HECW2: variants seen among roughly 807,000 people sequenced by gnomAD.
HECW2 encodes the protein E3 ubiquitin-protein ligase HECW2.
A neutral mutation model predicts 175.2 loss-of-function variants in HECW2; 61 were observed. That is an observed-to-expected ratio of 0.35 (90% CI 0.28 to 0.43). The LOEUF is 0.43. Ranked by LOEUF, HECW2 falls within the 20% of genes least tolerant of loss-of-function variation. The probability of loss-of-function intolerance (pLI) is 1.00; values close to 1 mark genes in which losing one functional copy is unlikely to be tolerated. For synonymous variants in HECW2, 671 were observed against 731.0 expected, an observed-to-expected ratio of 0.92 and a Z score of 1.32; for missense variants, 1,524 against 2,000.5, an observed-to-expected ratio of 0.76 and a Z score of 4.54.
At chr2:196,453,999 T>G (rs1357783565) in intron 1 of HECW2, among the ~76,000 whole-genome samples, 1 of 152,104 alleles carries the variant, frequency 6.6e-6, no homozygotes, top group Non-Finnish European at 1.5e-5. Flanking sequence ...AATACTTCTA[T>G]GGGTTTTGTT....
rs1392506255 is a variant in HECW2, at chr2:196,257,924, C to T, written c.3336-18G>A. On this transcript the variant is annotated intron_variant, in intron 17 of 28. Transcript: ENST00000644978. ...TCTTCTCCCTAATCAAGAAAAGAAACAGCACAAAATGTATATGGTAGACCT... is the reference window on the plus strand; with the variant it reads ...TCTTCTCCCTAATCAAGAAAAGAAATAGCACAAAATGTATATGGTAGACCT... 1 of 1,577,018 alleles carries T rather than the reference C, an allele frequency of 6.3e-7. No individual in the cohort carries two copies. Among genetic ancestry groups the T allele is most frequent in the South Asian group, 1.1e-5 (1 of 90,274 alleles).
intron 1 of HECW2, among the ~76,000 whole-genome samples, chr2:196,564,372 T>C (rs539316436): frequency 6.6e-6 from 1 of 152,188 alleles, no homozygotes; most frequent in East Asian, 1.9e-4. Flanking sequence ...GATGATATTA[T>C]TGAATTATGA....
intron 2 of HECW2, among the ~76,000 whole-genome samples, chr2:196,399,799 C>T (rs1287261863): frequency 6.6e-6 from 1 of 152,198 alleles, no homozygotes; most frequent in Non-Finnish European, 1.5e-5. Flanking sequence ...AAATTATAAG[C>T]AAGTATTAAC....
intron 21 of HECW2, among the ~76,000 whole-genome samples, chr2:196,233,680 A>G (rs1688137133): frequency 6.6e-6 from 1 of 152,222 alleles, no homozygotes; most frequent in South Asian, 2.1e-4. Context: ...ACCAAACCAA[A>G]GCCTAGATAC....
At chr2:196,471,872 TATA>T (rs1575585102) in intron 1 of HECW2, among the ~76,000 whole-genome samples, 1 of 151,084 alleles carries the variant, frequency 6.6e-6, no homozygotes, top group Non-Finnish European at 1.5e-5. Context: ...GGGTACTAAG[TATA>T]ATATCTGGGT....
At chr2:196,233,058 C>T (rs1416728835) in intron 21 of HECW2, among the ~76,000 whole-genome samples, 4 of 152,148 alleles carry the variant, frequency 2.6e-5, no homozygotes, top group East Asian at 1.9e-4. Flanking sequence ...CATGTCACAG[C>T]AGGGTACATC....
At chr2:196,433,760 T>C (rs956750356) in intron 1 of HECW2, among the ~76,000 whole-genome samples, 10 of 152,310 alleles carry the variant, frequency 6.6e-5, no homozygotes, top group African/African-American at 9.6e-5. Context: ...AGGTCTATCC[T>C]TTCCCAAACA....
At chr2:196,553,593 C>G (rs999943070) in intron 1 of HECW2, among the ~76,000 whole-genome samples, 2 of 152,174 alleles carry the variant, frequency 1.3e-5, no homozygotes, top group Non-Finnish European at 2.9e-5. Context: ...CCATCAGGCT[C>G]CTCAGCAGGA....
chr2:196,365,099 A>G (rs1458135496), intron 2 of HECW2, among the ~76,000 whole-genome samples: 10 of 152,252 alleles, frequency 6.6e-5, no homozygotes, highest in Admixed American at 6.5e-4. Context: ...AAGGATGCCC[A>G]TGGGTGGAAA....
At chr2:196,381,799 G>A (rs980548054) in intron 2 of HECW2, among the ~76,000 whole-genome samples, 1 of 152,126 alleles carries the variant, frequency 6.6e-6, no homozygotes, top group African/African-American at 2.4e-5. Flanking sequence ...GCAGGACACA[G>A]CTGACATTAG....
chr2:196,579,235 A>G (rs942045783), intron 1 of HECW2, among the ~76,000 whole-genome samples: 1 of 152,152 alleles, frequency 6.6e-6, no homozygotes, highest in South Asian at 2.1e-4. Flanking sequence ...TATGGAGTAA[A>G]CACCTATGAA....
intron 21 of HECW2, chr2:196,238,636 T>C (rs534791246): frequency 3.3e-5 from 5 of 152,198 alleles, no homozygotes; most frequent in African/African-American, 1.2e-4. Context: ...ATATGCAGAG[T>C]GAACAGATTA....
chr2:196,517,004 C>T (rs1688174833), intron 1 of HECW2, among the ~76,000 whole-genome samples: 1 of 152,168 alleles, frequency 6.6e-6, no homozygotes, highest in African/African-American at 2.4e-5. Flanking sequence ...TTTTATAGGT[C>T]TAGAAAGTCC....
chr2:196,352,312 G>A (rs1021200491), intron 2 of HECW2, among the ~76,000 whole-genome samples: 10 of 152,208 alleles, frequency 6.6e-5, no homozygotes, highest in South Asian at 2.1e-4. Context: ...CAGTGTGCCC[G>A]AGAATGCAGA....
At chr2:196,279,479 T>C (rs1010503863) in intron 14 of HECW2, among the ~76,000 whole-genome samples, 2 of 152,202 alleles carry the variant, frequency 1.3e-5, no homozygotes, top group Non-Finnish European at 1.5e-5. Context: ...CCCCATTATT[T>C]TGGGACTTTA....
In HECW2 at chr2:196,308,226, A is replaced by G. The variant is rs1433403279; in HGVS notation, c.2435-141T>C. On this transcript the variant is annotated intron_variant, in intron 10 of 28. Coordinates refer to ENST00000644978, the MANE Select transcript of HECW2 (RefSeq NM_001348768.2). ...AACATACATCTCACTGCACTATCCC[A>G]TACTTCTCCCCAGTTCACTCCAGAA... The G allele has an allele frequency of 1.9e-5, 10 of 527,430 alleles. No homozygotes were observed. In the East Asian group the frequency reaches 2.2e-4, roughly 11 times the overall value. The allele number at this position is 527,430 out of a possible 1,614,324, so 32.7% of individuals were successfully genotyped here.
At chr2:196,280,265 C>A (rs1428527812) in intron 14 of HECW2, among the ~76,000 whole-genome samples, 3 of 152,154 alleles carry the variant, frequency 2.0e-5, no homozygotes, top group Admixed American at 6.5e-5. Flanking sequence ...ACCTTTCAAA[C>A]CAATGGAGCT....
At chr2:196,293,780 G>T (rs1690695510) in intron 13 of HECW2, among the ~76,000 whole-genome samples, 1 of 152,160 alleles carries the variant, frequency 6.6e-6, no homozygotes, top group Admixed American at 6.5e-5. Flanking sequence ...TAGGTTATTG[G>T]CTCTCTGAGT....
chr2:196,399,014 T>C (rs1325375202), intron 2 of HECW2, among the ~76,000 whole-genome samples: 2 of 152,148 alleles, frequency 1.3e-5, no homozygotes, highest in Non-Finnish European at 2.9e-5. Context: ...AAGTATGGCT[T>C]CTAAACCAAC....
Sources: gnomAD v4.1 joint callset for allele counts (sites outside exome capture counted in the v4.1 genomes callset) on GRCh38, gnomAD v4.1.1 for gene constraint, MANE v1.5 for transcripts, NCBI Gene and HGNC (gene_info 2026-07-23, HGNC 2026-07-21) for gene names.